The following SAP130 variants were observed in gnomAD, a reference collection of about 807,000 sequenced individuals.
The protein encoded by SAP130 is Sin3A associated protein 130.
A neutral mutation model predicts 103.2 loss-of-function variants in SAP130; 16 were observed. The observed-to-expected ratio is 0.16, with a 90% CI of 0.10 to 0.24. The LOEUF (loss-of-function observed/expected upper bound fraction) is 0.24, where lower values mean the gene tolerates loss of function less well. Among genes scored for constraint, SAP130 ranks in the 10% least tolerant of loss-of-function variants. The pLI is 1.00. For synonymous variants in SAP130, 477 were observed against 497.0 expected (o/e 0.96, Z 0.53); for missense variants, 990 against 1,359.7 (o/e 0.73, Z 4.28).
intron 15 of SAP130, among the ~76,000 whole-genome samples, chr2:127,970,541 TA>T (rs70985493): frequency 6.0e-4 from 48 of 79,998 alleles, no homozygotes; most frequent in Middle Eastern, 9.8e-3. Context: ...GACTCTGTCT[TA>T]AAAAAAAAAA....
At position 127,996,264 on chromosome 2, in the gene SAP130, T is replaced by C; in HGVS notation, c.1355+86A>G. Reference sequence around the variant, plus strand: ...AAACATGAGTAATAAATATAGGCCATATTTGTGGGACACTTTGTTTTATGC... The same window carrying C: ...AAACATGAGTAATAAATATAGGCCACATTTGTGGGACACTTTGTTTTATGC... On this transcript the variant is annotated intron_variant, in intron 11 of 20. Coordinates refer to ENST00000643581, the MANE Select transcript of SAP130 (RefSeq NM_001330301.2). This position sits in a 1 kb window ranked among gnomAD's most constrained non-coding sequence, Gnocchi z 4.3. The C allele has an allele frequency of 8.1e-7, 1 of 1,237,724 alleles. No homozygotes were observed. The highest frequency in any genetic ancestry group is 1.1e-6 in the Non-Finnish European group (1 of 937,240). The allele number at this position is 1,237,724 out of a possible 1,614,324, so 76.7% of individuals were successfully genotyped here. A position where few individuals can be genotyped will look rare whatever the true frequency, so the allele number is the denominator to read the frequency against.
At chr2:127,988,515 C>A (rs1682557272) in intron 13 of SAP130, among the ~76,000 whole-genome samples, 1 of 149,438 alleles carries the variant, frequency 6.7e-6, no homozygotes, top group Non-Finnish European at 1.5e-5. Context: ...AATGGCTAAT[C>A]AATAATAATC....
intron 7 of SAP130, among the ~76,000 whole-genome samples, chr2:128,009,635 T>A (rs1418654799): frequency 6.6e-6 from 1 of 152,164 alleles, no homozygotes. Context: ...AAACTTCAGA[T>A]CATTGCATCG....
chr2:128,022,692 C>T (rs1339142001), intron 2 of SAP130, among the ~76,000 whole-genome samples: 2 of 152,160 alleles, frequency 1.3e-5, no homozygotes, highest in Admixed American at 1.3e-4. Context: ...TTTTAATGTG[C>T]ACTGCCCTGA....
chr2:128,027,753 C>G (rs1685627961), intron 1 of SAP130, among the ~76,000 whole-genome samples, 187 bp downstream of exon 1: 1 of 151,938 alleles, frequency 6.6e-6, no homozygotes, highest in African/African-American at 2.4e-5. Context: ...CCACAGGACA[C>G]CCAGCCCCTG....
At chr2:128,027,805 G>A in intron 1 of SAP130, 135 bp downstream of exon 1, 1 of 539,702 alleles carries the variant, frequency 1.9e-6, no homozygotes, top group Non-Finnish European at 2.4e-6. Context: ...AAAGAGCCGC[G>A]GTCCGAGCCG....
At chr2:127,979,838 A>T (rs968194468) in intron 14 of SAP130, among the ~76,000 whole-genome samples, 4 of 151,998 alleles carry the variant, frequency 2.6e-5, no homozygotes, top group African/African-American at 4.8e-5. Flanking sequence ...TGAGAACTAA[A>T]GTTGGGTGAC....
At chr2:127,962,487 A>G (rs2104810254) in intron 15 of SAP130, among the ~76,000 whole-genome samples, 1 of 152,374 alleles carries the variant, frequency 6.6e-6, no homozygotes, top group African/African-American at 2.4e-5. Context: ...CTAAATGTCC[A>G]AAAACGATAG....
At chr2:127,950,458 G>GA in intron 16 of SAP130, 50 bp from the exon 17 acceptor site, 2 of 1,602,442 alleles carry the variant, frequency 1.2e-6, no homozygotes, top group Non-Finnish European at 8.5e-7. Context: ...AAAGATAACA[G>GA]AAAGTTTCAC....
rs1559021214 is a variant in SAP130 at position 127,941,760 on chromosome 2, G to T, written c.*246C>A. ...CCAACTGGTGGACACTGATGCATCC[G>T]GAGTCACTTATGACACAGATCAGGT... On this transcript the variant is annotated 3_prime_UTR_variant, in exon 21 of 21. Coordinates refer to ENST00000643581, the MANE Select transcript of SAP130 (RefSeq NM_001330301.2). 4 of 483,438 alleles carry T rather than the reference G, an allele frequency of 8.3e-6. No individual in the cohort carries two copies. The highest frequency in any genetic ancestry group is 1.4e-5 in the Non-Finnish European group (4 of 276,964). 29.9% of individuals were successfully genotyped at this position (483,438 alleles called of 1,614,324 possible).
chr2:127,958,661 AG>A, intron 15 of SAP130, among the ~76,000 whole-genome samples: 5 of 150,724 alleles, frequency 3.3e-5, no homozygotes, highest in Non-Finnish European at 5.9e-5. Context: ...AGAGAGAGAG[AG>A]AGAGAGAGAG....
Position 127,950,346 on chromosome 2 carries a change from A to G in SAP130, c.2485T>C (p.Ser829Pro). 1 of 1,614,206 alleles carries G rather than the reference A, an allele frequency of 6.2e-7. No homozygotes were observed. Among genetic ancestry groups the G allele is most frequent in the Non-Finnish European group, 8.5e-7 (1 of 1,180,024 alleles). The change falls in exon 17 of 21, where the codon TCC becomes CCC. Residue 829 changes from serine (S) to proline (P), a missense_variant. By Grantham distance (74) the Ser-to-Pro change is moderately conservative. Transcript: ENST00000643581. ...PSLALLANNL[S>P]MPTSDLPPGA... ...GGTGGTAGGTCACTTGTAGGCATGG[A>G]CAAGTTGTTTGCCAGCAATGCAAGA...
chr2:127,989,791 G>C lies in SAP130; in HGVS notation c.1553C>G (p.Pro518Arg). Residue 518 changes from proline (P) to arginine (R), a missense_variant, in exon 13 of 21, where the codon CCC becomes CGC. This residue lies in a region of SAP130 where 336 missense variants were observed against 520.1 expected (regional missense o/e 0.65). Coordinates refer to ENST00000643581, the MANE Select transcript of SAP130 (RefSeq NM_001330301.2). The surrounding 1 kb of genome is among the most constrained non-coding windows in gnomAD (Gnocchi z 4.6). ...VGVASTVHLNPMQLMTVDASH... is the reference protein window; with the variant it reads ...VGVASTVHLNRMQLMTVDASH... ...TGCATCCACTGTCATCAACTGCATGGGGTTTAGGTGGACGGTAGACGCTAC... is the reference window on the plus strand; with the variant it reads ...TGCATCCACTGTCATCAACTGCATGCGGTTTAGGTGGACGGTAGACGCTAC... 6.2e-7 allele frequency: 1 copy of C among 1,614,204 alleles called. No homozygotes were observed.
At chr2:128,006,841 T>G (rs1041262633) in intron 7 of SAP130, among the ~76,000 whole-genome samples, 10 of 152,198 alleles carry the variant, frequency 6.6e-5, no homozygotes, top group Admixed American at 2.6e-4. Flanking sequence ...TGCTTAAAAT[T>G]TTTTTCTATT....
intron 15 of SAP130, among the ~76,000 whole-genome samples, chr2:127,961,568 T>A (rs1043157596): frequency 6.6e-6 from 1 of 151,018 alleles, no homozygotes; most frequent in Non-Finnish European, 1.5e-5. Context: ...CTTGTAACCA[T>A]ATTTTATTTA....
intron 14 of SAP130, among the ~76,000 whole-genome samples, chr2:127,982,351 G>C (rs1417893476): frequency 6.6e-6 from 1 of 152,138 alleles, no homozygotes; most frequent in African/African-American, 2.4e-5. Flanking sequence ...GAATAGACAA[G>C]AGAGGAGGAG....
At chr2:128,009,850 G>A (rs1684255607) in intron 7 of SAP130, among the ~76,000 whole-genome samples, 1 of 152,076 alleles carries the variant, frequency 6.6e-6, no homozygotes, top group Non-Finnish European at 1.5e-5. Flanking sequence ...CCACTGCCTA[G>A]AATACTCTTC....
intron 10 of SAP130, among the ~76,000 whole-genome samples, chr2:127,998,171 T>C (rs1315340470): frequency 1.3e-5 from 2 of 151,842 alleles, no homozygotes; most frequent in Non-Finnish European, 2.9e-5. Context: ...AGGAACTATA[T>C]AGCACAGAAA....
chr2:127,969,553 C>G (rs1680916797), intron 15 of SAP130, among the ~76,000 whole-genome samples: 1 of 152,198 alleles, frequency 6.6e-6, no homozygotes, highest in South Asian at 2.1e-4. Flanking sequence ...CACAACAAAT[C>G]ATCACAAACT....
Sources: gnomAD v4.1 joint callset for allele counts (sites outside exome capture counted in the v4.1 genomes callset) on GRCh38, gnomAD v4.1.1 for gene constraint, gnomAD v4.1.1 regional missense constraint, Gnocchi (gnomAD v3.1) non-coding constraint, MANE v1.5 for transcripts, NCBI Gene and HGNC (gene_info 2026-07-23, HGNC 2026-07-21) for gene names.